Variants in DGKB observed in about 807,000 individuals in gnomAD.
The protein encoded by DGKB is 90 kDa diacylglycerol kinase.
Under a neutral mutation model 114.3 loss-of-function variants are expected in DGKB, and 67 were observed. The observed-to-expected ratio is 0.59, with a 90% CI of 0.48 to 0.72. The LOEUF is 0.72. Ranked by LOEUF, DGKB falls within the 30% of genes least tolerant of loss-of-function variation. DGKB has a pLI of 0.00. For missense variants in DGKB, 907 were observed against 975.2 expected (o/e 0.93, Z 0.93); for synonymous variants, 398 against 323.1 (o/e 1.23, Z -2.49).
intron 4 of DGKB, chr7:14,750,017 A>C (rs1430915488): frequency 4.4e-6 from 2 of 457,676 alleles, no homozygotes; most frequent in Non-Finnish European, 8.8e-6. Context: ...ATTATGTAAC[A>C]CTATCCAAAT....
At chr7:14,457,730 A>G (rs77327146) in intron 21 of DGKB, among the ~76,000 whole-genome samples, 5,532 of 152,302 alleles carry the variant, frequency 0.036, 148 homozygotes, top group Admixed American at 0.052. Context: ...AGGCTGGACT[A>G]AGGTACACAG....
intron 21 of DGKB, among the ~76,000 whole-genome samples, chr7:14,454,947 T>TTA (rs1832057572): frequency 6.6e-6 from 1 of 152,036 alleles, no homozygotes; most frequent in South Asian, 2.1e-4. Flanking sequence ...TCTAAATAAT[T>TTA]TACCCTAGGC....
chr7:14,797,258 G>C lies in DGKB; in HGVS notation c.71-39527C>G, dbSNP rs1471491692. 3.9e-5 allele frequency among the ~76,000 whole-genome samples: 6 copies of C among 152,054 alleles called. No homozygotes were observed. In the East Asian group the frequency reaches 9.7e-4, roughly 24 times the overall value. ...ATATTTGAGCCAGTTTACAAACCTA[G>C]AACTCCTTGAATGAAAGGTAGTCCA... is the stretch of plus-strand genomic sequence containing the variant. On this transcript the variant is annotated intron_variant, in intron 2 of 25. Transcript: ENST00000402815.
At chr7:14,949,634 T>C (rs1344859465) in intron 1 of DGKB, among the ~76,000 whole-genome samples, 2 of 151,888 alleles carry the variant, frequency 1.3e-5, no homozygotes, top group African/African-American at 4.8e-5. Context: ...ATGAAAAACA[T>C]TGATCTACAA....
intron 21 of DGKB, among the ~76,000 whole-genome samples, chr7:14,443,872 A>G (rs1173484694): frequency 6.6e-6 from 1 of 151,952 alleles, no homozygotes; most frequent in African/African-American, 2.4e-5. Context: ...TACTTTAAAT[A>G]TTAGCTCTCT....
At chr7:14,742,617 G>C (rs1377141202) in intron 4 of DGKB, among the ~76,000 whole-genome samples, 1 of 152,180 alleles carries the variant, frequency 6.6e-6, no homozygotes, top group Non-Finnish European at 1.5e-5. Flanking sequence ...TTACAACTTG[G>C]TAAGGCCTGA....
At chr7:14,711,874 G>T (rs1214917197) in intron 6 of DGKB, among the ~76,000 whole-genome samples, 3 of 152,146 alleles carry the variant, frequency 2.0e-5, no homozygotes, top group Admixed American at 6.6e-5. Flanking sequence ...AGGTAATTAT[G>T]TGAAAGCGAA....
chr7:14,837,047 T>C (rs1847260953), intron 2 of DGKB, among the ~76,000 whole-genome samples: 1 of 152,136 alleles, frequency 6.6e-6, no homozygotes, highest in African/African-American at 2.4e-5. Context: ...CATTACTTCA[T>C]ATATACTAAT....
At position 14,178,129 on chromosome 7, in the gene DGKB, C is replaced by T. The variant is rs1242237471; in HGVS notation, c.2145G>A (p.Glu715=). 8 of 1,613,392 alleles carry T rather than the reference C, an allele frequency of 5.0e-6. No individual in the cohort carries two copies. The highest frequency in any genetic ancestry group is 6.8e-6 in the Non-Finnish European group (8 of 1,179,752). ...ASQDLSDQLL[E]VVGLEGAMEM... ...CCATGGCTCCTTCCAAGCCGACCACCTCCAGCAGCTGGTCACTGAGATCTG... is the reference window on the plus strand; with the variant it reads ...CCATGGCTCCTTCCAAGCCGACCACTTCCAGCAGCTGGTCACTGAGATCTG... The change falls in exon 24 of 26, where the codon GAG becomes GAA. Residue 715 remains glutamate, a synonymous_variant. Transcript: ENST00000402815.
At chr7:14,175,494 C>T (rs1439404136) in intron 25 of DGKB, among the ~76,000 whole-genome samples, 1 of 152,160 alleles carries the variant, frequency 6.6e-6, no homozygotes, top group Non-Finnish European at 1.5e-5. Flanking sequence ...TGGAATATAG[C>T]TTACATTCAT....
At chr7:14,372,405 G>A (rs535708209) in intron 21 of DGKB, among the ~76,000 whole-genome samples, 96 of 152,248 alleles carry the variant, frequency 6.3e-4, no homozygotes, top group Admixed American at 1.5e-3. Context: ...TTGGGAGTGC[G>A]TAGTGGGGGG....
At chr7:14,452,494 A>T (rs928670926) in intron 21 of DGKB, among the ~76,000 whole-genome samples, 1 of 152,104 alleles carries the variant, frequency 6.6e-6, no homozygotes, top group Non-Finnish European at 1.5e-5. Flanking sequence ...CTCTGAAAAA[A>T]TATGTGGATA....
intron 20 of DGKB, among the ~76,000 whole-genome samples, chr7:14,506,447 C>T (rs371478590): frequency 6.6e-6 from 1 of 152,056 alleles, no homozygotes; most frequent in East Asian, 1.9e-4. Context: ...AGACAATATG[C>T]AAATAAAGTT....
At chr7:14,505,512 A>G (rs1275683814) in intron 20 of DGKB, among the ~76,000 whole-genome samples, 1 of 152,038 alleles carries the variant, frequency 6.6e-6, no homozygotes, top group Non-Finnish European at 1.5e-5. Context: ...ACTCATTGTC[A>G]TTACAGACTC....
At chr7:14,911,019 A>G (rs889612377) in intron 1 of DGKB, among the ~76,000 whole-genome samples, 3 of 152,126 alleles carry the variant, frequency 2.0e-5, no homozygotes, top group Non-Finnish European at 4.4e-5. Flanking sequence ...TATAGTATGT[A>G]TCATATGCTT....
At chr7:14,343,951 A>G (rs1216579018) in intron 22 of DGKB, among the ~76,000 whole-genome samples, 1 of 141,766 alleles carries the variant, frequency 7.1e-6, no homozygotes, top group Non-Finnish European at 1.5e-5. Context: ...ATATATAACT[A>G]AATATATAAC....
chr7:14,919,243 G>A (rs374971457), intron 1 of DGKB, among the ~76,000 whole-genome samples: 2 of 152,020 alleles, frequency 1.3e-5, no homozygotes, highest in East Asian at 1.9e-4. Flanking sequence ...ACTGTAATCA[G>A]GGCAGCACGT....
chr7:14,473,428 C>A (rs1469415246), intron 21 of DGKB, among the ~76,000 whole-genome samples: 1 of 152,158 alleles, frequency 6.6e-6, no homozygotes, highest in Non-Finnish European at 1.5e-5. Context: ...GCCTGGATGC[C>A]CAGGAAGCAG....
intron 10 of DGKB, among the ~76,000 whole-genome samples, chr7:14,684,996 T>C (rs796956706): frequency 2.0e-5 from 3 of 152,222 alleles, no homozygotes; most frequent in African/African-American, 7.2e-5. Flanking sequence ...TAAATTAAAC[T>C]ACAGTGGAAA....
Sources: allele counts gnomAD v4.1 joint callset (sites outside exome capture counted in the v4.1 genomes callset), GRCh38; gene constraint gnomAD v4.1.1; transcripts MANE v1.5; gene names NCBI Gene and HGNC (gene_info 2026-07-23, HGNC 2026-07-21).